The following PTTG1 variants were observed in gnomAD, a reference collection of about 807,000 sequenced individuals.
PTTG1 encodes securin.
PTTG1 carries 8 observed loss-of-function variants against 20.0 expected under a neutral mutation model. The ratio of observed to expected loss-of-function variants is 0.40; its 90% CI spans 0.23 to 0.72. The LOEUF (loss-of-function observed/expected upper bound fraction) is 0.72. PTTG1 is among the 30% of genes least tolerant of loss of function. The probability of loss-of-function intolerance (pLI) is 0.38; values close to 1 mark genes in which losing one functional copy is unlikely to be tolerated. For missense variants in PTTG1, 197 were observed against 236.0 expected, an observed-to-expected ratio of 0.83 and a Z score of 1.08; for synonymous variants, 79 against 87.2, an observed-to-expected ratio of 0.91 and a Z score of 0.52.
intron 4 of PTTG1, 134 bp downstream of exon 4, chr5:160,424,464 ACAAGTGTACTTGTTGATGGAATTATTTG>A (rs981165515): frequency 1.4e-5 from 9 of 652,418 alleles, no homozygotes; most frequent in African/African-American, 7.4e-5. Flanking sequence ...GTTGCTTTGG[ACAAGTGTACTTGTTGATGGAATTATTTG>A]CAAGGTATCA....
At chr5:160,424,939 C>T (rs897355146) in intron 4 of PTTG1, among the ~76,000 whole-genome samples, 1 of 152,118 alleles carries the variant, frequency 6.6e-6, no homozygotes, top group Non-Finnish European at 1.5e-5. Flanking sequence ...AGATGCTGGA[C>T]AAGTCATCTC....
rs1194526600 is a variant in PTTG1, at chr5:160,427,762, C to A, written c.418C>A (p.Pro140Thr). ...LPEEHQIAHL[P>T]LSGVPLMILD... is the part of the protein sequence containing the mutation. The stretch of plus-strand genomic sequence containing the variant: ...TGAAGAGCACCAGATTGCGCACCTC[C>A]CCTTGAGTGGAGTGCCTCTCATGAT... Residue 140 changes from proline (P) to threonine (T), a missense_variant, in exon 5 of 6, where the codon CCC becomes ACC. Physicochemically the swap from Pro to Thr is conservative, Grantham distance 38. Transcript: ENST00000352433. The A allele has an allele frequency of 9.9e-6, 16 of 1,614,146 alleles. No individual in the cohort carries two copies. The highest frequency in any genetic ancestry group is 1.4e-5 in the Non-Finnish European group (16 of 1,180,020).
chr5:160,424,447 A>T (rs114177218), intron 4 of PTTG1, 117 bp downstream of exon 4: 15 of 742,710 alleles, frequency 2.0e-5, no homozygotes, highest in Non-Finnish European at 3.3e-5. Context: ...AGACTGTCTG[A>T]ATCTGGGTTG....
intron 4 of PTTG1, among the ~76,000 whole-genome samples, chr5:160,425,145 G>A (rs1042718426): frequency 7.2e-5 from 11 of 152,176 alleles, no homozygotes; most frequent in Non-Finnish European, 1.6e-4. Flanking sequence ...TAGCCAAAGA[G>A]GTCATGTAGT....
chr5:160,427,651 CA>C, intron 4 of PTTG1, 63 bp from the exon 5 acceptor site: 1 of 1,550,594 alleles, frequency 6.4e-7, no homozygotes, highest in Non-Finnish European at 8.8e-7. Context: ...TCTCAGACCA[CA>C]AGGGATCTAC....
Position 160,428,675 on chromosome 5 carries a change from T to C in PTTG1, c.603T>C (p.Asp201=), listed in dbSNP as rs759081596. Residue 201 remains aspartate (D), a synonymous_variant, in exon 6 of 6, where the codon GAT becomes GAC. Transcript: ENST00000352433. ...TGCCACCTGTTTGCTGTGACATAGATATTTAAATTTCTTAGTGCTTCAGAG... is the reference window on the plus strand; with the variant it reads ...TGCCACCTGTTTGCTGTGACATAGACATTTAAATTTCTTAGTGCTTCAGAG... ...VELPPVCCDI[D]I 5 of 1,612,104 alleles carry C rather than the reference T, an allele frequency of 3.1e-6. No homozygotes were observed. In the African/African-American group the frequency reaches 4.0e-5, roughly 13 times the overall value.
At chr5:160,424,376 C>T in intron 4 of PTTG1, 46 bp downstream of exon 4, 1 of 1,344,224 alleles carries the variant, frequency 7.4e-7, no homozygotes, top group Non-Finnish European at 1.1e-6. Context: ...CCTTTAGTTT[C>T]TTAGTATTCA....
chr5:160,422,610 G>A (rs2113206322), intron 2 of PTTG1, 99 bp from the exon 3 acceptor site: 2 of 1,391,882 alleles, frequency 1.4e-6, no homozygotes, highest in Middle Eastern at 1.8e-4. Context: ...AAAGTGGGGG[G>A]TGGGTTTGGG....
At chr5:160,427,628 C>A in intron 4 of PTTG1, 87 bp from the exon 5 acceptor site, 2 of 1,406,962 alleles carry the variant, frequency 1.4e-6, no homozygotes, top group South Asian at 2.7e-5. Context: ...ACCTCATGGA[C>A]CCCCTCAAAG....
intron 4 of PTTG1, among the ~76,000 whole-genome samples, chr5:160,427,220 A>G (rs1406132181): frequency 6.6e-6 from 1 of 152,218 alleles, no homozygotes; most frequent in African/African-American, 2.4e-5. Flanking sequence ...TGTTAATTCA[A>G]GTAAAAACAG....
intron 3 of PTTG1, 185 bp downstream of exon 3, chr5:160,423,078 T>G: frequency 1.5e-6 from 1 of 652,080 alleles, no homozygotes; most frequent in South Asian, 2.0e-5. Context: ...AGATTGGAAA[T>G]CTCAGATGCA....
Position 160,422,409 on chromosome 5 carries a change from T to C in PTTG1, c.91+6T>C. 6.2e-7 allele frequency: 1 copy of C among 1,607,556 alleles called. No homozygotes were observed. Among genetic ancestry groups the C allele is most frequent in the Non-Finnish European group, 8.5e-7 (1 of 1,173,990 alleles). ...GAAGCTGGGGTCTGGACCTTGTAAG[T>C]ATACAAGGCTGCAGTCGGATACACT... On this transcript the variant is annotated splice_donor_region_variant and intron_variant, in intron 2 of 5. Transcript: ENST00000352433.
intron 3 of PTTG1, 94 bp downstream of exon 3, chr5:160,422,987 C>A: frequency 7.6e-7 from 1 of 1,311,068 alleles, no homozygotes; most frequent in Non-Finnish European, 1.1e-6. Context: ...TTTCTTCCCT[C>A]TGAGTAGAAG....
chr5:160,427,725 T>C lies in PTTG1; in HGVS notation c.381T>C (p.Ser127=). The change falls in exon 5 of 6, where the codon AGT becomes AGC. Residue 127 remains serine (S), a synonymous_variant. Coordinates refer to ENST00000352433, the MANE Select transcript of PTTG1 (RefSeq NM_004219.4). ...TTCTCTCTGTAACAGACTTTGAGAGTTTTGACCTGCCTGAAGAGCACCAGA... is the reference window on the plus strand; with the variant it reads ...TTCTCTCTGTAACAGACTTTGAGAGCTTTGACCTGCCTGAAGAGCACCAGA... ...FFPFNPLDFE[S]FDLPEEHQIA... 3.1e-6 allele frequency: 5 copies of C among 1,613,582 alleles called. 1 individual carries two copies. The South Asian group carries it at 5.5e-5, about 18-fold the overall frequency.
chr5:160,427,802 G>T lies in PTTG1; in HGVS notation c.458G>T (p.Arg153Ile), dbSNP rs1581086930. ...CCTCTCATGATCCTTGACGAGGAGA[G>T]AGAGCTTGAAAAGCTGTTTCAGCTG... ...GVPLMILDEE[R>I]ELEKLFQLGP... Residue 153 changes from arginine (R) to isoleucine (I), a missense_variant, in exon 5 of 6, where the codon AGA becomes ATA. Transcript: ENST00000352433. 6.2e-7 allele frequency: 1 copy of T among 1,614,060 alleles called. No individual in the cohort carries two copies. The highest frequency in any genetic ancestry group is 1.3e-5 in the African/African-American group (1 of 74,910).
chr5:160,422,491 TTGG>T (rs1765732097), intron 2 of PTTG1, 88 bp downstream of exon 2: 1 of 1,197,378 alleles, frequency 8.4e-7, no homozygotes, highest in Non-Finnish European at 1.2e-6. Context: ...TTTTGGGCAA[TTGG>T]AGTCGTTTGT....
chr5:160,425,241 G>GT (rs1561572265), intron 4 of PTTG1, among the ~76,000 whole-genome samples: 1 of 152,184 alleles, frequency 6.6e-6, no homozygotes, highest in Non-Finnish European at 1.5e-5. Flanking sequence ...TGATCTTGTT[G>GT]TAAGTTTGTG....
intron 1 of PTTG1, 106 bp from the exon 2 acceptor site, chr5:160,422,196 C>A (rs1440778818): frequency 4.0e-6 from 3 of 759,390 alleles, no homozygotes; most frequent in Non-Finnish European, 6.8e-6. Context: ...CGCTGTTTAG[C>A]TCTTGTTTTT....
chr5:160,427,052 T>A (rs74650640), intron 4 of PTTG1, among the ~76,000 whole-genome samples: 12 of 151,250 alleles, frequency 7.9e-5, no homozygotes, highest in African/African-American at 4.9e-5. Flanking sequence ...AAAAAAAAAA[T>A]ATTCATTTTT....
Sources: allele counts gnomAD v4.1 joint callset (sites outside exome capture counted in the v4.1 genomes callset), GRCh38; gene constraint gnomAD v4.1.1; transcripts MANE v1.5; gene names NCBI Gene and HGNC (gene_info 2026-07-23, HGNC 2026-07-21).